Variants in SCAPER observed in about 807,000 individuals in gnomAD.
The protein encoded by SCAPER is S phase cyclin A-associated protein in the endoplasmic reticulum.
SCAPER carries 98 observed loss-of-function variants against 182.2 expected under a neutral mutation model. That is an observed-to-expected ratio of 0.54 (90% CI 0.46 to 0.64). The LOEUF (loss-of-function observed/expected upper bound fraction) is 0.64. Among genes scored for constraint, SCAPER ranks in the 30% least tolerant of loss-of-function variants. The probability of loss-of-function intolerance (pLI) is 0.00; values close to 1 mark genes in which losing one functional copy is unlikely to be tolerated. For synonymous variants in SCAPER, 605 were observed against 564.6 expected (o/e 1.07, Z -1.01); for missense variants, 1,432 against 1,690.0 (o/e 0.85, Z 2.68).
chr15:76,809,196 T>C (rs2066410523), intron 5 of SCAPER, among the ~76,000 whole-genome samples: 2 of 152,116 alleles, frequency 1.3e-5, no homozygotes, highest in Admixed American at 6.5e-5. Flanking sequence ...CCTCACCTAA[T>C]GCACAGAAAC....
chr15:76,742,461 T>C (rs1303499203), intron 15 of SCAPER, among the ~76,000 whole-genome samples: 19 of 106,778 alleles, frequency 1.8e-4, no homozygotes, highest in Non-Finnish European at 3.5e-4. Flanking sequence ...ACAGGTGTCT[T>C]TTCCTAAAAA....
At chr15:76,842,308 T>C (rs1287115482) in intron 4 of SCAPER, among the ~76,000 whole-genome samples, 1 of 152,144 alleles carries the variant, frequency 6.6e-6, no homozygotes, top group African/African-American at 2.4e-5. Context: ...TGAATTATAA[T>C]CTCCATAATC....
chr15:76,585,591 A>C (rs1460214046), intron 22 of SCAPER, among the ~76,000 whole-genome samples: 1 of 152,202 alleles, frequency 6.6e-6, no homozygotes, highest in Non-Finnish European at 1.5e-5. Context: ...GAAAATCAGC[A>C]GTACTGAGGG....
intron 17 of SCAPER, among the ~76,000 whole-genome samples, chr15:76,707,581 T>A (rs960766167): frequency 6.6e-6 from 1 of 152,078 alleles, no homozygotes. Context: ...ATAAATTACA[T>A]GAAACTAGCA....
chr15:76,657,466 A>G (rs1201737901), intron 21 of SCAPER, among the ~76,000 whole-genome samples: 1 of 151,984 alleles, frequency 6.6e-6, no homozygotes, highest in Non-Finnish European at 1.5e-5. Flanking sequence ...CACCAAATGT[A>G]TAAAGAAGAG....
chr15:76,500,786 G>T (rs2041037030), intron 24 of SCAPER, among the ~76,000 whole-genome samples: 1 of 151,972 alleles, frequency 6.6e-6, no homozygotes, highest in Admixed American at 6.6e-5. Flanking sequence ...GGAATTAAAA[G>T]TTTGTAGGTT....
chr15:76,767,507 C>T (rs2063186873), intron 10 of SCAPER, among the ~76,000 whole-genome samples: 1 of 152,086 alleles, frequency 6.6e-6, no homozygotes, highest in Non-Finnish European at 1.5e-5. Flanking sequence ...GGTGATGATG[C>T]TTTCTGAACA....
rs528665341 is a variant in SCAPER, at chr15:76,811,712, C to G, written c.394-7079G>C. Among the ~76,000 whole-genome samples the G allele has an allele frequency of 8.6e-5, 13 of 151,866 alleles. No homozygotes were observed. The South Asian group carries it at 2.7e-3, about 32-fold the overall frequency. On this transcript the variant is annotated intron_variant, in intron 5 of 31. Transcript: ENST00000563290. ...CTGAGGCAGGAGAATCGCTTGAACC[C>G]AGGAGGTGGAGGTTGCGGTGAGCTG... is the stretch of plus-strand genomic sequence containing the variant.
At chr15:76,382,480 C>T (rs1161752686) in intron 27 of SCAPER, among the ~76,000 whole-genome samples, 1 of 150,890 alleles carries the variant, frequency 6.6e-6, no homozygotes, top group Non-Finnish European at 1.5e-5. Flanking sequence ...CATGCTCTAC[C>T]AACTGAGGTA....
intron 10 of SCAPER, among the ~76,000 whole-genome samples, chr15:76,771,004 T>C (rs2063437589): frequency 6.6e-6 from 1 of 152,118 alleles, no homozygotes; most frequent in Non-Finnish European, 1.5e-5. Context: ...CCTAATACCA[T>C]GTGTTGTTAA....
intron 23 of SCAPER, among the ~76,000 whole-genome samples, chr15:76,535,289 C>T (rs962195051): frequency 5.9e-5 from 9 of 151,440 alleles, no homozygotes; most frequent in Middle Eastern, 3.4e-3. Context: ...TTTGGGAGGC[C>T]GAGGCGGGCG....
chr15:76,387,916 A>C lies in SCAPER; in HGVS notation c.3468-6301T>G, dbSNP rs11855983. On this transcript the variant is annotated intron_variant, in intron 27 of 31. Transcript: ENST00000563290. ...AGTGGGAAAAAAGACTTAGCAAATT[A>C]GGTGCCTACCAGTTCAAATGAGAAA... Among the ~76,000 whole-genome samples, 1,270 of 152,346 alleles carry C rather than the reference A, an allele frequency of 8.3e-3. 13 individuals are homozygous for C. Among genetic ancestry groups the C allele is most frequent in the African/African-American group, 0.029 (1,205 of 41,590 alleles).
At chr15:76,447,559 G>T (rs1313512335) in intron 25 of SCAPER, among the ~76,000 whole-genome samples, 1 of 152,192 alleles carries the variant, frequency 6.6e-6, no homozygotes, top group Non-Finnish European at 1.5e-5. Context: ...GTTTGCTGCT[G>T]AAGGACTACT....
At chr15:76,364,297 C>T (rs369469767) in intron 29 of SCAPER, among the ~76,000 whole-genome samples, 6 of 152,168 alleles carry the variant, frequency 3.9e-5, no homozygotes, top group Admixed American at 6.5e-5. Flanking sequence ...GCCTTCTTCC[C>T]GGTGGTCCCA....
intron 8 of SCAPER, among the ~76,000 whole-genome samples, chr15:76,785,372 G>C (rs1000866692): frequency 6.6e-6 from 1 of 152,136 alleles, no homozygotes; most frequent in Non-Finnish European, 1.5e-5. Flanking sequence ...AAAAAGTCAG[G>C]AAACAACAGA....
intron 23 of SCAPER, among the ~76,000 whole-genome samples, chr15:76,532,429 C>T (rs1243879365): frequency 2.6e-5 from 4 of 151,768 alleles, no homozygotes; most frequent in Admixed American, 6.6e-5. Flanking sequence ...GTCAAACTCC[C>T]GAGCTCAAAT....
chr15:76,629,122 C>T (rs553753561), intron 21 of SCAPER, among the ~76,000 whole-genome samples: 20 of 152,124 alleles, frequency 1.3e-4, no homozygotes, highest in South Asian at 2.1e-4. Context: ...GATTTTGTAT[C>T]GTGAGACTTT....
intron 15 of SCAPER, among the ~76,000 whole-genome samples, chr15:76,738,276 G>A (rs758380110): frequency 2.0e-5 from 3 of 152,104 alleles, no homozygotes; most frequent in Non-Finnish European, 2.9e-5. Flanking sequence ...CGATAAGCAT[G>A]TGCGACCACA....
chr15:76,617,076 CTCTT>C (rs1318884017), intron 22 of SCAPER, among the ~76,000 whole-genome samples: 1 of 152,054 alleles, frequency 6.6e-6, no homozygotes, highest in Non-Finnish European at 1.5e-5. Flanking sequence ...ATTACATGAG[CTCTT>C]TATCATTTTT....
Sources: allele counts gnomAD v4.1 joint callset (sites outside exome capture counted in the v4.1 genomes callset), GRCh38; gene constraint gnomAD v4.1.1; transcripts MANE v1.5; gene names NCBI Gene and HGNC (gene_info 2026-07-23, HGNC 2026-07-21).